Variants in SLC39A11 observed in about 807,000 individuals in gnomAD.
The protein encoded by SLC39A11 is zinc transporter ZIP11.
A neutral mutation model predicts 36.1 loss-of-function variants in SLC39A11; 33 were observed. That is an observed-to-expected ratio of 0.91 (90% CI 0.69 to 1.22). The LOEUF is 1.22. Among genes scored for constraint, SLC39A11 ranks in the 50% most tolerant of loss-of-function variants. The pLI is 0.00. For missense variants in SLC39A11, 432 were observed against 430.3 expected, an observed-to-expected ratio of 1.00 and a Z score of -0.03; for synonymous variants, 166 against 170.3, an observed-to-expected ratio of 0.97 and a Z score of 0.20.
chr17:72,984,684 T>A (rs1048932387), intron 4 of SLC39A11, among the ~76,000 whole-genome samples: 7 of 152,206 alleles, frequency 4.6e-5, no homozygotes, highest in African/African-American at 1.7e-4. Flanking sequence ...AATGTGAGAA[T>A]CACCGCAGTG....
chr17:72,661,107 A>C (rs970276227), intron 7 of SLC39A11, among the ~76,000 whole-genome samples: 3 of 152,166 alleles, frequency 2.0e-5, no homozygotes, highest in African/African-American at 7.2e-5. Flanking sequence ...GGCACGACAG[A>C]TTTGGGGCTG....
At chr17:73,021,805 C>T (rs994649775) in intron 4 of SLC39A11, among the ~76,000 whole-genome samples, 2 of 152,190 alleles carry the variant, frequency 1.3e-5, no homozygotes, top group African/African-American at 2.4e-5. Context: ...AGGTGTTCTA[C>T]CCACGGAGAA....
chr17:73,010,749 GA>G (rs11318310), intron 4 of SLC39A11, among the ~76,000 whole-genome samples: 106,679 of 152,056 alleles, frequency 0.7, 41,410 homozygotes, highest in Non-Finnish European at 0.87. Context: ...GCAAATTTCA[GA>G]TTAAGCTTTT....
At chr17:72,973,789 G>A (rs2087634077) in intron 4 of SLC39A11, among the ~76,000 whole-genome samples, 1 of 152,102 alleles carries the variant, frequency 6.6e-6, no homozygotes, top group Admixed American at 6.5e-5. Context: ...TTGAACTCCT[G>A]GGCTCAAGCG....
At chr17:72,770,508 G>A (rs572627240) in intron 6 of SLC39A11, among the ~76,000 whole-genome samples, 5 of 152,254 alleles carry the variant, frequency 3.3e-5, no homozygotes, top group South Asian at 2.1e-4. Flanking sequence ...TGTGATTGGC[G>A]GCTCTTCTTC....
chr17:72,662,814 G>GAGAA (rs999127672), intron 7 of SLC39A11, among the ~76,000 whole-genome samples: 1 of 151,858 alleles, frequency 6.6e-6, no homozygotes. Context: ...AGAAGAAAGA[G>GAGAA]AGAAAGAAAG....
intron 6 of SLC39A11, among the ~76,000 whole-genome samples, chr17:72,844,157 C>A (rs73998427): frequency 2.0e-5 from 3 of 152,134 alleles, no homozygotes; most frequent in Non-Finnish European, 2.9e-5. Context: ...AAAGAAGAGA[C>A]CTTTTCAAAG....
chr17:72,802,823 ATCTG>A (rs1405043497), intron 6 of SLC39A11, among the ~76,000 whole-genome samples: 2 of 152,096 alleles, frequency 1.3e-5, no homozygotes, highest in Non-Finnish European at 2.9e-5. Flanking sequence ...GGCTGCCCCT[ATCTG>A]TCAGCTGGTT....
intron 3 of SLC39A11, among the ~76,000 whole-genome samples, chr17:73,036,904 T>C (rs2058937480): frequency 6.6e-6 from 1 of 152,256 alleles, no homozygotes; most frequent in Non-Finnish European, 1.5e-5. Context: ...CCTTCCCCGC[T>C]ATTCCCTGGA....
At chr17:72,786,843 G>A (rs1230840007) in intron 6 of SLC39A11, among the ~76,000 whole-genome samples, 1 of 151,948 alleles carries the variant, frequency 6.6e-6, no homozygotes, top group Admixed American at 6.6e-5. Context: ...TTTTTGAGAT[G>A]GAGTTTCACT....
chr17:73,041,065 T>C (rs754008117), intron 3 of SLC39A11, among the ~76,000 whole-genome samples: 2 of 150,464 alleles, frequency 1.3e-5, no homozygotes, highest in Non-Finnish European at 3.0e-5. Context: ...AATCAGAGAA[T>C]AATTCCCCTC....
At chr17:72,844,780 C>G (rs930995881) in intron 6 of SLC39A11, among the ~76,000 whole-genome samples, 3 of 152,210 alleles carry the variant, frequency 2.0e-5, no homozygotes, top group African/African-American at 7.2e-5. Context: ...GCTGTCTAGT[C>G]AGTATCTCCA....
At chr17:72,944,449 G>A (rs935835270) in intron 5 of SLC39A11, among the ~76,000 whole-genome samples, 1 of 152,178 alleles carries the variant, frequency 6.6e-6, no homozygotes, top group African/African-American at 2.4e-5. Flanking sequence ...CTGAGACAGA[G>A]AAGCCCAAGA....
At chr17:72,769,335 C>G (rs2075855729) in intron 6 of SLC39A11, among the ~76,000 whole-genome samples, 2 of 152,118 alleles carry the variant, frequency 1.3e-5, no homozygotes, top group African/African-American at 4.8e-5. Context: ...CTTTAAAAAC[C>G]CGTGCATTAC....
intron 6 of SLC39A11, chr17:72,839,651 G>T (rs1056724704): frequency 6.6e-5 from 10 of 152,212 alleles, no homozygotes; most frequent in African/African-American, 2.4e-4. Flanking sequence ...AATCTGGATT[G>T]TTTTAAGCCA....
At position 73,054,360 on chromosome 17, in the gene SLC39A11, G is replaced by GA. The variant is rs202108791; in HGVS notation, c.148-22647dup. On this transcript the variant is annotated intron_variant, in intron 3 of 9. Transcript: ENST00000255559. ...GGGAGCTGGACCAAGACTCCATCTC[G>GA]AAAAAAACAAAAAAACAAAAAAAAA... 4.8e-4 allele frequency among the ~76,000 whole-genome samples: 65 copies of GA among 135,840 alleles called. 1 individual carries two copies. The highest frequency in any genetic ancestry group is 7.1e-4 in the Non-Finnish European group (44 of 61,636). 89.1% of individuals were successfully genotyped at this position (135,840 alleles called of 152,430 possible). A position where few individuals can be genotyped will look rare whatever the true frequency, so the allele number is the denominator to read the frequency against.
At chr17:72,738,496 C>T (rs900551868) in intron 6 of SLC39A11, among the ~76,000 whole-genome samples, 3 of 152,076 alleles carry the variant, frequency 2.0e-5, no homozygotes, top group Non-Finnish European at 2.9e-5. Context: ...ACCACCCACT[C>T]GCCTAGGGAT....
chr17:72,749,791 A>G (rs1239612877), intron 6 of SLC39A11, among the ~76,000 whole-genome samples: 1 of 152,030 alleles, frequency 6.6e-6, no homozygotes, highest in Non-Finnish European at 1.5e-5. Context: ...TGATCCTAGG[A>G]AAATGCTGCC....
intron 5 of SLC39A11, chr17:72,947,522 C>T (rs1041401804): frequency 8.2e-6 from 5 of 607,734 alleles, no homozygotes; most frequent in African/African-American, 5.5e-5. Context: ...CAAAAGGTAC[C>T]GTTACCTTCT....
Sources: gnomAD v4.1 joint callset for allele counts (sites outside exome capture counted in the v4.1 genomes callset) on GRCh38, gnomAD v4.1.1 for gene constraint, MANE v1.5 for transcripts, NCBI Gene and HGNC (gene_info 2026-07-23, HGNC 2026-07-21) for gene names.